Variants in CASP5 observed in about 807,000 individuals in gnomAD.
The protein encoded by CASP5 is caspase 5.
CASP5 carries 42 observed loss-of-function variants against 45.2 expected under a neutral mutation model. The observed-to-expected ratio is 0.93, with a 90% CI of 0.73 to 1.20. The LOEUF (loss-of-function observed/expected upper bound fraction) is 1.20. Ranked by LOEUF, CASP5 falls within the 50% of genes most tolerant of loss-of-function variation. CASP5 has a pLI of 0.00. For missense variants in CASP5, 512 were observed against 532.2 expected, an observed-to-expected ratio of 0.96 and a Z score of 0.37; for synonymous variants, 209 against 186.2, an observed-to-expected ratio of 1.12 and a Z score of -1.00.
intron 1 of CASP5, among the ~76,000 whole-genome samples, chr11:105,010,979 C>T (rs959064565): frequency 1.3e-5 from 2 of 151,754 alleles, no homozygotes; most frequent in Non-Finnish European, 3.0e-5. Context: ...AGTCATGAAA[C>T]TACATTACAT....
In CASP5 at chr11:105,008,852, G is replaced by A; in HGVS notation, c.136C>T (p.Gln46Ter). 1 of 1,613,092 alleles carries A rather than the reference G, an allele frequency of 6.2e-7. No individual in the cohort carries two copies. The highest frequency in any genetic ancestry group is 8.5e-7 in the Non-Finnish European group (1 of 1,179,328). ...KNNVAGQTSI[Q>*]TLVPNTDQKS... The stretch of plus-strand genomic sequence containing the variant: ...TGATCCGTATTAGGTACTAGGGTCT[G>A]GATAGATGTTTGTCCAGCCACGTTG... Residue 46 changes from glutamine to a stop codon, truncating the protein, a stop_gained, in exon 2 of 10, where the codon CAG (glutamine) becomes TAG (stop). Coordinates refer to ENST00000260315, the MANE Select transcript of CASP5 (RefSeq NM_004347.5). LOFTEE classifies it high-confidence loss of function.
In CASP5 at chr11:105,010,901, G is replaced by A. The variant is rs1862316648; in HGVS notation, c.8-1921C>T. ...GAGTGTAATCCTGTGAAAAGAAAAT[G>A]AAGTATACAGTAACTCCGGAGCAGG... On this transcript the variant is annotated intron_variant, in intron 1 of 9. Coordinates refer to ENST00000260315, the MANE Select transcript of CASP5 (RefSeq NM_004347.5). Among the ~76,000 whole-genome samples, 3 of 151,880 alleles carry A rather than the reference G, an allele frequency of 2.0e-5. No homozygotes were observed. In the South Asian group the frequency reaches 6.2e-4, roughly 31 times the overall value.
intron 1 of CASP5, among the ~76,000 whole-genome samples, chr11:105,009,720 C>CACACACACAT (rs1376205553): frequency 5.8e-4 from 37 of 64,044 alleles, no homozygotes; most frequent in South Asian, 1.6e-3. Context: ...TATATACACA[C>CACACACACAT]ATATATATAT....
intron 7 of CASP5, among the ~76,000 whole-genome samples, chr11:104,998,377 T>A (rs1391675722): frequency 6.6e-6 from 1 of 152,204 alleles, no homozygotes; most frequent in Non-Finnish European, 1.5e-5. Context: ...TAATTAGACC[T>A]AATTAGCTCC....
At position 104,995,785 on chromosome 11, in the gene CASP5, C is replaced by G; in HGVS notation, c.1264G>C (p.Ala422Pro). 6.2e-7 allele frequency: 1 copy of G among 1,612,620 alleles called. No homozygotes were observed. The highest frequency in any genetic ancestry group is 8.5e-7 in the Non-Finnish European group (1 of 1,178,956). Residue 422 changes from alanine to proline, a missense_variant, in exon 9 of 10, where the codon GCA becomes CCA. Transcript: ENST00000260315. ...AKAQMPTIER[A>P]TLTRDFYLFP... is the part of the protein sequence containing the mutation. ...AGGTAGAAATCTCTTGTCAAGGTTG[C>G]TCGTTCTATGGTGGGCATCTGGGCT...
At chr11:104,996,329 T>C (rs767622173) in intron 8 of CASP5, among the ~76,000 whole-genome samples, 1 of 152,206 alleles carries the variant, frequency 6.6e-6, no homozygotes, top group Non-Finnish European at 1.5e-5. Context: ...AGATCCTGCT[T>C]ACCGTAAATC....
Sources: allele counts gnomAD v4.1 joint callset (sites outside exome capture counted in the v4.1 genomes callset), GRCh38; gene constraint gnomAD v4.1.1; transcripts MANE v1.5; gene names NCBI Gene and HGNC (gene_info 2026-07-23, HGNC 2026-07-21).